Variants in SHISA6 observed in about 807,000 individuals in gnomAD.
SHISA6 encodes the protein shisa family member 6, also known as protein shisa-6.
In SHISA6, 22 loss-of-function variants were observed where a neutral mutation model predicts 47.9. The ratio of observed to expected loss-of-function variants is 0.46; its 90% CI spans 0.33 to 0.66. The LOEUF is 0.66. SHISA6 is among the 30% of genes least tolerant of loss of function. The pLI is 0.02. For synonymous variants in SHISA6, 388 were observed against 337.8 expected (o/e 1.15, Z -1.63); for missense variants, 680 against 764.6 (o/e 0.89, Z 1.30).
rs551901779 is a variant in SHISA6, at chr17:11,397,010, C to G, written c.895+17501C>G. Among the ~76,000 whole-genome samples, 9 of 152,220 alleles carry G rather than the reference C, an allele frequency of 5.9e-5. No individual in the cohort carries two copies. In the South Asian group the frequency reaches 1.9e-3, roughly 32 times the overall value. The stretch of plus-strand genomic sequence containing the variant: ...TTTTTGTAGGCTGGAAACGGTTCTC[C>G]TATGAAACCATCGGGGCCTAGAACT... On this transcript the variant is annotated intron_variant, in intron 3 of 5. Coordinates refer to ENST00000441885, the MANE Select transcript of SHISA6 (RefSeq NM_207386.4).
At chr17:11,314,029 A>AT (rs1910423423) in intron 2 of SHISA6, among the ~76,000 whole-genome samples, 1 of 152,226 alleles carries the variant, frequency 6.6e-6, no homozygotes, top group Admixed American at 6.5e-5. Flanking sequence ...TGCTGTGATC[A>AT]TCCCAGTGAA....
At chr17:11,535,689 A>G (rs2071780427) in intron 3 of SHISA6, among the ~76,000 whole-genome samples, 1 of 152,216 alleles carries the variant, frequency 6.6e-6, no homozygotes, top group African/African-American at 2.4e-5. Context: ...GATCAAGAGC[A>G]TCGTGTTTGG....
chr17:11,337,303 C>T (rs895083239), intron 2 of SHISA6, among the ~76,000 whole-genome samples: 7 of 152,134 alleles, frequency 4.6e-5, no homozygotes, highest in African/African-American at 1.4e-4. Flanking sequence ...GGAATTCAGC[C>T]CCACAGAAGA....
chr17:11,241,431 G>A lies in SHISA6; in HGVS notation c.9G>A (p.Leu3=), dbSNP rs947386422. Residue 3 remains leucine, a synonymous_variant, in exon 1 of 6, where the codon CTG becomes CTA. Transcript: ENST00000441885. This position sits in a 1 kb window ranked among gnomAD's most constrained non-coding sequence, Gnocchi z 5.5. ...TCCCGCCCGGCCCCGCCATGGCGCT[G>A]CGGCGCCTCCTGCTGCTGCTGCTGC... MA[L]RRLLLLLLLS... The A allele has an allele frequency of 8.4e-7, 1 of 1,186,626 alleles. No individual in the cohort carries two copies. The highest frequency in any genetic ancestry group is 1.8e-5 in the South Asian group (1 of 56,584). The allele number at this position is 1,186,626 out of a possible 1,614,324, so 73.5% of individuals were successfully genotyped here.
intron 3 of SHISA6, among the ~76,000 whole-genome samples, chr17:11,515,814 G>T (rs2071581123): frequency 6.6e-6 from 1 of 152,146 alleles, no homozygotes; most frequent in South Asian, 2.1e-4. Flanking sequence ...CCTGGGCAGG[G>T]CACAAGCACC....
intron 3 of SHISA6, among the ~76,000 whole-genome samples, chr17:11,448,267 A>T (rs1915290075): frequency 6.6e-6 from 1 of 152,104 alleles, no homozygotes; most frequent in South Asian, 2.1e-4. Context: ...GTGGTGGCTC[A>T]AGTCTGTAAT....
intron 3 of SHISA6, among the ~76,000 whole-genome samples, chr17:11,466,592 G>C (rs1915816031): frequency 1.3e-5 from 2 of 152,160 alleles, no homozygotes; most frequent in Non-Finnish European, 2.9e-5. Flanking sequence ...ACGTCTCCAT[G>C]TGCCTGTCCA....
At chr17:11,254,570 C>T (rs1248852745) in intron 1 of SHISA6, among the ~76,000 whole-genome samples, 1 of 152,164 alleles carries the variant, frequency 6.6e-6, no homozygotes, top group Non-Finnish European at 1.5e-5. Context: ...ACCACCTGCC[C>T]CTCCTCTCAT....
At chr17:11,504,323 A>G (rs958300355) in intron 3 of SHISA6, among the ~76,000 whole-genome samples, 5 of 152,140 alleles carry the variant, frequency 3.3e-5, no homozygotes, top group African/African-American at 4.8e-5. Flanking sequence ...CATGGCCCCA[A>G]TCTTTGCTAA....
intron 2 of SHISA6, among the ~76,000 whole-genome samples, chr17:11,342,684 A>C (rs1911577353): frequency 6.6e-6 from 1 of 152,170 alleles, no homozygotes; most frequent in Non-Finnish European, 1.5e-5. Flanking sequence ...GCATAGCAAG[A>C]GATATATTCA....
At position 11,455,189 on chromosome 17, in the gene SHISA6, C is replaced by CA. The variant is rs764759917; in HGVS notation, c.895+75683dup. Among the ~76,000 whole-genome samples the CA allele has an allele frequency of 2.2e-3, 327 of 150,902 alleles. 2 individuals carry two copies. The highest frequency in any genetic ancestry group is 5.1e-3 in the Admixed American group (77 of 15,160). On this transcript the variant is annotated intron_variant, in intron 3 of 5. Transcript: ENST00000441885. ...GTCTCAAAAAAACAAAACAAACAAA[C>CA]AAACAAAAAAAACAGTTCAATGAAT...
At chr17:11,398,943 C>A (rs543764346) in intron 3 of SHISA6, among the ~76,000 whole-genome samples, 23 of 141,318 alleles carry the variant, frequency 1.6e-4, no homozygotes, top group African/African-American at 6.2e-4. Flanking sequence ...CCTCTTCTAT[C>A]TTCTACCTAG....
intron 3 of SHISA6, among the ~76,000 whole-genome samples, chr17:11,549,404 T>C (rs912035614): frequency 1.3e-5 from 2 of 149,146 alleles, no homozygotes; most frequent in Non-Finnish European, 3.0e-5. Flanking sequence ...TCAAGACATA[T>C]ATTGTTTGTG....
chr17:11,404,938 T>C (rs1913900085), intron 3 of SHISA6, among the ~76,000 whole-genome samples: 1 of 152,186 alleles, frequency 6.6e-6, no homozygotes, highest in Non-Finnish European at 1.5e-5. Context: ...AAAGAAGTAC[T>C]GTCTGCCTCC....
At chr17:11,242,129 C>T (rs1766667036) in intron 1 of SHISA6, 69 bp downstream of exon 1, 2 of 1,534,942 alleles carry the variant, frequency 1.3e-6, no homozygotes, top group East Asian at 2.4e-5. Context: ...CTTCCCCTGT[C>T]CTCTTCACTC....
At chr17:11,358,406 C>T (rs1912141682) in intron 2 of SHISA6, among the ~76,000 whole-genome samples, 1 of 152,094 alleles carries the variant, frequency 6.6e-6, no homozygotes. Flanking sequence ...GTCGCCCAGG[C>T]TGGAGTGCAG....
chr17:11,257,676 A>G (rs112136241), intron 1 of SHISA6, among the ~76,000 whole-genome samples: 7 of 152,064 alleles, frequency 4.6e-5, no homozygotes, highest in East Asian at 1.9e-4. Flanking sequence ...AAAAAAAGAA[A>G]AAAAGAAAAG....
intron 3 of SHISA6, among the ~76,000 whole-genome samples, chr17:11,398,345 T>C (rs1341162590): frequency 1.3e-5 from 2 of 152,194 alleles, no homozygotes; most frequent in East Asian, 1.9e-4. Flanking sequence ...GAAGTAGTTA[T>C]GTGTCCTCTG....
At chr17:11,521,519 C>A (rs2071629100) in intron 3 of SHISA6, among the ~76,000 whole-genome samples, 1 of 152,162 alleles carries the variant, frequency 6.6e-6, no homozygotes, top group African/African-American at 2.4e-5. Context: ...CGCAGTGGTT[C>A]ACGCCTGTAA....
Sources: allele counts gnomAD v4.1 joint callset (sites outside exome capture counted in the v4.1 genomes callset), GRCh38; gene constraint gnomAD v4.1.1; non-coding constraint Gnocchi (gnomAD v3.1); transcripts MANE v1.5; gene names NCBI Gene and HGNC (gene_info 2026-07-23, HGNC 2026-07-21).